Variants in ZYG11A observed in about 807,000 individuals in gnomAD.
ZYG11A encodes protein zyg-11 homolog A.
In ZYG11A, 62 loss-of-function variants were observed where a neutral mutation model predicts 77.2. The observed-to-expected ratio is 0.80, with a 90% CI of 0.65 to 0.99. The LOEUF (loss-of-function observed/expected upper bound fraction) is 0.99, where lower values mean the gene tolerates loss of function less well. ZYG11A is among the 50% of genes least tolerant of loss of function. ZYG11A has a pLI of 0.00. For synonymous variants in ZYG11A, 315 were observed against 324.6 expected (o/e 0.97, Z 0.32); for missense variants, 828 against 896.8 (o/e 0.92, Z 0.98).
In ZYG11A at chr1:52,891,745, A is replaced by G. The variant is rs377351787; in HGVS notation, c.2105-1037A>G. 1.0e-3 allele frequency among the ~76,000 whole-genome samples: 155 copies of G among 151,990 alleles called. 6 individuals carry two copies. The highest frequency in any genetic ancestry group is 3.5e-3 in the African/African-American group (143 of 41,296). On this transcript the variant is annotated intron_variant, in intron 13 of 13. Transcript: ENST00000371528. ...TGCAAGCTGAAATTGAAATGCCTCA[A>G]TTACTAAGACCGCCAGTTTCTTTCT...
At chr1:52,890,726 C>T (rs986141820) in intron 13 of ZYG11A, among the ~76,000 whole-genome samples, 6 of 151,734 alleles carry the variant, frequency 4.0e-5, no homozygotes, top group Non-Finnish European at 8.8e-5. Flanking sequence ...ACTTCAGCCT[C>T]CTGAATAGCT....
chr1:52,877,602 G>T (rs549143752), intron 8 of ZYG11A, 80 bp from the exon 9 acceptor site: 11 of 1,280,638 alleles, frequency 8.6e-6, no homozygotes, highest in Non-Finnish European at 1.2e-5. Flanking sequence ...GGTTTGATGC[G>T]TCTTAACATT....
At chr1:52,879,405 G>A (rs956260074) in intron 10 of ZYG11A, among the ~76,000 whole-genome samples, 2 of 152,120 alleles carry the variant, frequency 1.3e-5, no homozygotes, top group Non-Finnish European at 2.9e-5. Context: ...AACATGGAGG[G>A]ACTGTGCCTT....
At chr1:52,880,642 AAC>A (rs1405885222) in intron 10 of ZYG11A, among the ~76,000 whole-genome samples, 2 of 152,140 alleles carry the variant, frequency 1.3e-5, no homozygotes, top group Non-Finnish European at 2.9e-5. Context: ...TGAAGGAGCA[AAC>A]AGTCATGAAG....
intron 11 of ZYG11A, 78 bp from the exon 12 acceptor site, chr1:52,885,755 G>C: frequency 9.1e-7 from 1 of 1,103,692 alleles, no homozygotes; most frequent in Non-Finnish European, 1.3e-6. Flanking sequence ...TTGTTCAATC[G>C]TTCCCAGATT....
At chr1:52,881,919 A>G (rs1449183785) in intron 11 of ZYG11A, among the ~76,000 whole-genome samples, 1 of 117,138 alleles carries the variant, frequency 8.5e-6, no homozygotes, top group Non-Finnish European at 1.7e-5. Context: ...TTTTTTTTTG[A>G]GACAGGGTCT....
intron 8 of ZYG11A, among the ~76,000 whole-genome samples, chr1:52,870,100 C>T (rs1646125528): frequency 6.7e-6 from 1 of 149,866 alleles, no homozygotes; most frequent in South Asian, 2.1e-4. Flanking sequence ...TCCTCACATC[C>T]CAGACGGGGC....
At chr1:52,843,249 G>C (rs779890519) in intron 1 of ZYG11A, among the ~76,000 whole-genome samples, 2 of 152,238 alleles carry the variant, frequency 1.3e-5, no homozygotes, top group Non-Finnish European at 2.9e-5. Flanking sequence ...CGAGAGCCCA[G>C]TCCCAGAGAC....
rs554308285 is a variant in ZYG11A at position 52,851,517 on chromosome 1, C to T, written c.91-2948C>T. Among the ~76,000 whole-genome samples, 777 of 152,120 alleles carry T rather than the reference C, an allele frequency of 5.1e-3. 7 individuals carry two copies. Among genetic ancestry groups the T allele is most frequent in the African/African-American group, 0.018 (754 of 41,496 alleles). Reference sequence around the variant, plus strand: ...GGTACAAGCGTTTCTCCTGCCTCAGCCTCCCGAGTGGCTGGGATTACAGGC... The same window carrying T: ...GGTACAAGCGTTTCTCCTGCCTCAGTCTCCCGAGTGGCTGGGATTACAGGC... On this transcript the variant is annotated intron_variant, in intron 1 of 13. Transcript: ENST00000371528.
chr1:52,858,195 G>A (rs1043318038), intron 3 of ZYG11A, among the ~76,000 whole-genome samples: 5 of 148,834 alleles, frequency 3.4e-5, no homozygotes, highest in Admixed American at 6.7e-5. Context: ...TCAGGAGTCC[G>A]AGACCAGCCT....
rs568960134 is a variant in ZYG11A, at chr1:52,859,469, G to A, written c.1009-1262G>A. 2.0e-4 allele frequency among the ~76,000 whole-genome samples: 31 copies of A among 151,834 alleles called. No individual in the cohort carries two copies. In the East Asian group the frequency reaches 5.0e-3, roughly 25 times the overall value. On this transcript the variant is annotated intron_variant, in intron 3 of 13. Coordinates refer to ENST00000371528, the MANE Select transcript of ZYG11A (RefSeq NM_001004339.3). ...TCCTGCCTCAGGCTCCAGAGTAGCT[G>A]GGACTATAGGCACCCACCACCACGC...
chr1:52,850,448 A>T (rs1645687315), intron 1 of ZYG11A, among the ~76,000 whole-genome samples: 1 of 151,580 alleles, frequency 6.6e-6, no homozygotes, highest in African/African-American at 2.4e-5. Flanking sequence ...CCTCCCAAAT[A>T]GCTGAGATTA....
At chr1:52,863,922 C>A in intron 4 of ZYG11A, 59 bp from the exon 5 acceptor site, 2 of 1,445,368 alleles carry the variant, frequency 1.4e-6, no homozygotes. Flanking sequence ...AAAACATGCA[C>A]AAGACAGCAT....
intron 11 of ZYG11A, among the ~76,000 whole-genome samples, chr1:52,884,720 G>C (rs962848289): frequency 6.6e-6 from 1 of 152,058 alleles, no homozygotes; most frequent in Non-Finnish European, 1.5e-5. Flanking sequence ...AGAGAGTTGA[G>C]GGGCAGGGGA....
At chr1:52,857,863 C>T (rs1490219106) in intron 3 of ZYG11A, 114 bp downstream of exon 3, 1 of 798,814 alleles carries the variant, frequency 1.3e-6, no homozygotes. Flanking sequence ...TAAAAAAATC[C>T]TTAAAGAGCT....
intron 10 of ZYG11A, among the ~76,000 whole-genome samples, chr1:52,878,299 G>A (rs1646298449): frequency 6.6e-6 from 1 of 152,162 alleles, no homozygotes; most frequent in African/African-American, 2.4e-5. Flanking sequence ...CTGGTGGCTT[G>A]ACTGGGGCTG....
At chr1:52,864,308 C>T (rs564462482) in intron 5 of ZYG11A, among the ~76,000 whole-genome samples, 151 bp downstream of exon 5, 1 of 152,142 alleles carries the variant, frequency 6.6e-6, no homozygotes, top group East Asian at 1.9e-4. Context: ...TGCGGTGGCA[C>T]GATCTCAGCT....
chr1:52,878,918 C>A (rs912686871), intron 10 of ZYG11A, among the ~76,000 whole-genome samples: 2 of 143,136 alleles, frequency 1.4e-5, no homozygotes, highest in Non-Finnish European at 3.0e-5. Context: ...CAATTGCACT[C>A]CAGCCTGGGC....
At chr1:52,876,355 A>G (rs939125810) in intron 8 of ZYG11A, among the ~76,000 whole-genome samples, 2 of 152,172 alleles carry the variant, frequency 1.3e-5, no homozygotes, top group African/African-American at 4.8e-5. Flanking sequence ...GCCATATAAT[A>G]TAATGCAGGA....
Sources: gnomAD v4.1 joint callset for allele counts (sites outside exome capture counted in the v4.1 genomes callset) on GRCh38, gnomAD v4.1.1 for gene constraint, MANE v1.5 for transcripts, NCBI Gene and HGNC (gene_info 2026-07-23, HGNC 2026-07-21) for gene names.